The following BORCS5 variants were observed in gnomAD, a reference collection of about 807,000 sequenced individuals.
BORCS5 encodes the protein BLOC-1 related complex subunit 5, also known as BLOC-1-related complex subunit 5.
BORCS5 carries 17 observed loss-of-function variants against 22.1 expected under a neutral mutation model. The ratio of observed to expected loss-of-function variants is 0.77; its 90% CI spans 0.53 to 1.15. The LOEUF is 1.15. Among genes scored for constraint, BORCS5 ranks in the 50% most tolerant of loss-of-function variants. The probability of loss-of-function intolerance (pLI) is 0.00; values close to 1 mark genes in which losing one functional copy is unlikely to be tolerated. For missense variants in BORCS5, 247 were observed against 253.2 expected, an observed-to-expected ratio of 0.98 and a Z score of 0.17; for synonymous variants, 117 against 99.8, an observed-to-expected ratio of 1.17 and a Z score of -1.03.
intron 3 of BORCS5, among the ~76,000 whole-genome samples, chr12:12,458,788 C>T (rs552826209): frequency 7.9e-5 from 12 of 151,314 alleles, no homozygotes; most frequent in Non-Finnish European, 1.5e-4. Context: ...CTGGCTAACA[C>T]GGTGAAACCC....
intron 1 of BORCS5, 128 bp from the exon 2 acceptor site, chr12:12,361,077 AC>A (rs1443235137): frequency 2.3e-6 from 2 of 877,680 alleles, no homozygotes; most frequent in Admixed American, 4.7e-5. Flanking sequence ...CATCCCTGCC[AC>A]CCCAACCCCA....
At chr12:12,459,644 T>C (rs1943066757) in intron 3 of BORCS5, among the ~76,000 whole-genome samples, 1 of 152,226 alleles carries the variant, frequency 6.6e-6, no homozygotes, top group African/African-American at 2.4e-5. Context: ...TATTTTCTTC[T>C]AGAAGTTTTA....
In BORCS5 at chr12:12,357,468, G is replaced by C; in HGVS notation, c.17G>C (p.Ser6Thr). Residue 6 changes from serine (S) to threonine (T), a missense_variant, in exon 1 of 4, where the codon AGC becomes ACC. Transcript: ENST00000314565. Reference sequence around the variant, plus strand: ...GTCGGCACCATGGGCAGTGAGCAGAGCTCCGAGGCCGAGAGCCGACCCAAC... The same window carrying C: ...GTCGGCACCATGGGCAGTGAGCAGACCTCCGAGGCCGAGAGCCGACCCAAC... Reference protein sequence around the residue: MGSEQSSEAESRPNDL... With the variant: MGSEQTSEAESRPNDL... 1.2e-6 allele frequency: 2 copies of C among 1,611,304 alleles called. No homozygotes were observed. Among genetic ancestry groups the C allele is most frequent in the South Asian group, 2.2e-5 (2 of 91,018 alleles).
chr12:12,361,439 C>G, intron 2 of BORCS5, 90 bp downstream of exon 2: 2 of 1,415,350 alleles, frequency 1.4e-6, no homozygotes, highest in South Asian at 2.5e-5. Flanking sequence ...GTATCTTGCT[C>G]TCTCATCTCC....
rs2136169780 is a variant in BORCS5 at position 12,467,747 on chromosome 12, G to C, written c.*1971G>C. 6.6e-6 allele frequency: 1 copy of C among 152,388 alleles called. No homozygotes were observed. Among genetic ancestry groups the C allele is most frequent in the South Asian group, 2.1e-4 (1 of 4,824 alleles). The allele number at this position is 152,388 out of a possible 1,614,324, so 9.4% of individuals were successfully genotyped here. A position where few individuals can be genotyped will look rare whatever the true frequency, so the allele number is the denominator to read the frequency against. Reference sequence around the variant, plus strand: ...AATTCCCTTCCTTGTTTGTTTCTCTGGTGAGGGTTGGCCACGAGAGAGATT... The same window carrying C: ...AATTCCCTTCCTTGTTTGTTTCTCTCGTGAGGGTTGGCCACGAGAGAGATT... On this transcript the variant is annotated 3_prime_UTR_variant, in exon 4 of 4. Transcript: ENST00000314565.
intron 2 of BORCS5, among the ~76,000 whole-genome samples, chr12:12,403,421 T>C (rs1213140646): frequency 1.3e-5 from 2 of 152,220 alleles, no homozygotes; most frequent in Non-Finnish European, 1.5e-5. Context: ...TCCCCGTGGC[T>C]TGGGCACACC....
At chr12:12,367,940 C>T (rs554879787) in intron 2 of BORCS5, among the ~76,000 whole-genome samples, 16 of 152,306 alleles carry the variant, frequency 1.1e-4, no homozygotes, top group African/African-American at 3.6e-4. Flanking sequence ...AAACAGAAGA[C>T]GAACACTTTC....
chr12:12,449,937 G>C (rs907818376), intron 3 of BORCS5, among the ~76,000 whole-genome samples: 2 of 152,180 alleles, frequency 1.3e-5, no homozygotes, highest in African/African-American at 4.8e-5. Flanking sequence ...TATTCCTGAT[G>C]GACGTGGAGA....
rs894263990 is a variant in BORCS5 at position 12,468,227 on chromosome 12, G to A, written c.*2451G>A. On this transcript the variant is annotated 3_prime_UTR_variant, in exon 4 of 4. Transcript: ENST00000314565. ...CCTCTCTTTCTACATCATTCCTAGT[G>A]GTTCTTTTCTGATGGAACCTCTGAC... is the stretch of plus-strand genomic sequence containing the variant. 6.6e-6 allele frequency: 1 copy of A among 151,992 alleles called. No individual in the cohort carries two copies. The highest frequency in any genetic ancestry group is 2.4e-5 in the African/African-American group (1 of 41,336). 9.4% of individuals were successfully genotyped at this position (151,992 alleles called of 1,614,324 possible). A position where few individuals can be genotyped will look rare whatever the true frequency, so the allele number is the denominator to read the frequency against.
chr12:12,386,061 C>T (rs948460763), intron 2 of BORCS5, among the ~76,000 whole-genome samples: 12 of 149,768 alleles, frequency 8.0e-5, no homozygotes, highest in Admixed American at 2.7e-4. Context: ...AGTGCAGTGG[C>T]GCAGTCTTGG....
chr12:12,427,895 C>T (rs1426060677), intron 2 of BORCS5, among the ~76,000 whole-genome samples: 1 of 152,176 alleles, frequency 6.6e-6, no homozygotes, highest in African/African-American at 2.4e-5. Context: ...TCATGATCTA[C>T]TCACCCACTA....
At chr12:12,394,328 A>AAAAC (rs928463129) in intron 2 of BORCS5, among the ~76,000 whole-genome samples, 9 of 151,970 alleles carry the variant, frequency 5.9e-5, no homozygotes, top group African/African-American at 1.9e-4. Flanking sequence ...TCTATCTCAA[A>AAAAC]AAACAAACAA....
chr12:12,456,200 G>C (rs1942995846), intron 3 of BORCS5, among the ~76,000 whole-genome samples: 1 of 152,344 alleles, frequency 6.6e-6, no homozygotes, highest in South Asian at 2.1e-4. Flanking sequence ...TTGGGAGGCT[G>C]AGCGGGTGGA....
chr12:12,463,643 C>A (rs1359568507), intron 3 of BORCS5, among the ~76,000 whole-genome samples: 1 of 152,206 alleles, frequency 6.6e-6, no homozygotes, highest in Non-Finnish European at 1.5e-5. Context: ...CATGAACAAC[C>A]TGTTTGAACT....
Position 12,427,422 on chromosome 12 carries a change from G to C in BORCS5, c.203-8206G>C, listed in dbSNP as rs563411098. Among the ~76,000 whole-genome samples, 305 of 151,962 alleles carry C rather than the reference G, an allele frequency of 2.0e-3. 3 individuals are homozygous for C. The highest frequency in any genetic ancestry group is 0.01 in the Middle Eastern group (3 of 294). ...GTCTCGATATCCTGACCTTGTGATG[G>C]GCCCGCCTCGGCCTCCCAAAGTGCT... On this transcript the variant is annotated intron_variant, in intron 2 of 3. Coordinates refer to ENST00000314565, the MANE Select transcript of BORCS5 (RefSeq NM_058169.6).
chr12:12,369,670 G>C (rs1394518976), intron 2 of BORCS5, among the ~76,000 whole-genome samples: 1 of 132,972 alleles, frequency 7.5e-6, no homozygotes, highest in Non-Finnish European at 1.6e-5. Flanking sequence ...CATGTAAAAT[G>C]TAGGAAACTT....
intron 2 of BORCS5, among the ~76,000 whole-genome samples, chr12:12,369,012 T>G (rs531534013): frequency 6.6e-6 from 1 of 152,270 alleles, no homozygotes; most frequent in African/African-American, 2.4e-5. Flanking sequence ...ATTTCATTAA[T>G]TTGATCACTT....
At chr12:12,441,193 A>G (rs1258349377) in intron 3 of BORCS5, among the ~76,000 whole-genome samples, 2 of 152,160 alleles carry the variant, frequency 1.3e-5, no homozygotes, top group Admixed American at 1.3e-4. Flanking sequence ...GAGGGAGGTC[A>G]TTTGTTGAGT....
chr12:12,369,329 A>T (rs1863471515), intron 2 of BORCS5, among the ~76,000 whole-genome samples: 1 of 152,080 alleles, frequency 6.6e-6, no homozygotes, highest in South Asian at 2.1e-4. Flanking sequence ...TTTAAAGGGC[A>T]TCTCTTGTAG....
Sources: allele counts gnomAD v4.1 joint callset (sites outside exome capture counted in the v4.1 genomes callset), GRCh38; gene constraint gnomAD v4.1.1; transcripts MANE v1.5; gene names NCBI Gene and HGNC (gene_info 2026-07-23, HGNC 2026-07-21).